Variants in SLC12A8 observed in about 807,000 individuals in gnomAD.
SLC12A8 encodes solute carrier family 12 member 8, also known as cation-chloride cotransporter 9.
SLC12A8 carries 69 observed loss-of-function variants against 75.6 expected under a neutral mutation model. The observed-to-expected ratio is 0.91, with a 90% confidence interval of 0.75 to 1.11. SLC12A8 has a LOEUF of 1.11. Ranked by LOEUF, SLC12A8 falls within the 50% of genes most tolerant of loss-of-function variation. The pLI is 0.00. For synonymous variants in SLC12A8, 365 were observed against 372.8 expected (o/e 0.98, Z 0.24); for missense variants, 877 against 896.7 (o/e 0.98, Z 0.28).
intron 6 of SLC12A8, among the ~76,000 whole-genome samples, chr3:125,121,759 T>A (rs551680989): frequency 1.8e-4 from 27 of 152,334 alleles, no homozygotes; most frequent in Admixed American, 7.8e-4. Flanking sequence ...ATTATGCTCT[T>A]AATGCCTCTG....
At chr3:125,160,387 G>C (rs1458248644) in intron 5 of SLC12A8, among the ~76,000 whole-genome samples, 3 of 152,236 alleles carry the variant, frequency 2.0e-5, no homozygotes, top group Non-Finnish European at 4.4e-5. Flanking sequence ...CAAAAAATCA[G>C]TGCCCGGCAT....
chr3:125,163,310 A>G (rs1053996162), intron 5 of SLC12A8, among the ~76,000 whole-genome samples: 2 of 150,474 alleles, frequency 1.3e-5, no homozygotes, highest in Non-Finnish European at 3.0e-5. Flanking sequence ...AAAAACAAAA[A>G]TAATAAAAAA....
At position 125,107,629 on chromosome 3, in the gene SLC12A8, G is replaced by C; in HGVS notation, c.1557C>G (p.Ile519Met). The change falls in exon 10 of 14, where the codon ATC (isoleucine) becomes ATG (methionine). Residue 519 changes from isoleucine (I) to methionine (M), a missense_variant. Physicochemically the swap from Ile to Met is conservative, Grantham distance 10. Coordinates refer to ENST00000469902, the MANE Select transcript of SLC12A8 (RefSeq NM_024628.6). Reference sequence around the variant, plus strand: ...AGGAGGCAGCGGGCAACCTGTCAGAGATCTCGACAGGGAAAGAAGGAGGGG... The same window carrying C: ...AGGAGGCAGCGGGCAACCTGTCAGACATCTCGACAGGGAAAGAAGGAGGGG... ...LKSPPSFPVE[I>M]SDRLPAASWE... 1 of 1,614,210 alleles carries C rather than the reference G, an allele frequency of 6.2e-7. No individual in the cohort carries two copies. Among genetic ancestry groups the C allele is most frequent in the South Asian group, 1.1e-5 (1 of 91,080 alleles).
intron 10 of SLC12A8, among the ~76,000 whole-genome samples, chr3:125,098,640 C>T (rs1358227924): frequency 2.0e-5 from 3 of 151,382 alleles, no homozygotes; most frequent in African/African-American, 7.3e-5. Flanking sequence ...CTTCAGAGCT[C>T]CAGAAATTTA....
chr3:125,098,251 G>A lies in SLC12A8; in HGVS notation c.1706-6053C>T, dbSNP rs182479363. 6.6e-5 allele frequency among the ~76,000 whole-genome samples: 10 copies of A among 152,218 alleles called. No individual in the cohort carries two copies. In the East Asian group the frequency reaches 1.5e-3, roughly 23 times the overall value. On this transcript the variant is annotated intron_variant, in intron 10 of 13. Coordinates refer to ENST00000469902, the MANE Select transcript of SLC12A8 (RefSeq NM_024628.6). ...ACACAGAATCATGTTTAAAGTCCACGTGGTATTTTATCATGTTGATGTTAT... is the reference window on the plus strand; with the variant it reads ...ACACAGAATCATGTTTAAAGTCCACATGGTATTTTATCATGTTGATGTTAT...
intron 2 of SLC12A8, among the ~76,000 whole-genome samples, chr3:125,208,095 T>G (rs1468233588): frequency 6.6e-6 from 1 of 152,196 alleles, no homozygotes; most frequent in Non-Finnish European, 1.5e-5. Context: ...AACCCAGGTT[T>G]GAGTCTACCA....
intron 2 of SLC12A8, among the ~76,000 whole-genome samples, chr3:125,194,404 T>A (rs1025289277): frequency 1.4e-5 from 2 of 145,464 alleles, no homozygotes; most frequent in African/African-American, 2.5e-5. Flanking sequence ...CGTTCTCCTG[T>A]GAATAATCTC....
chr3:125,206,419 C>G (rs1338006372), intron 2 of SLC12A8, among the ~76,000 whole-genome samples: 1 of 152,150 alleles, frequency 6.6e-6, no homozygotes, highest in Middle Eastern at 3.2e-3. Context: ...CTTCTTGACA[C>G]GACAAGCAAA....
chr3:125,141,274 T>C lies in SLC12A8; in HGVS notation c.623-5492A>G, dbSNP rs1380847421. ...TCTGTCTGCAGAAAGGCTTGATCTT[T>C]CCACCCGGAATTCGGGTAATTCAGG... On this transcript the variant is annotated intron_variant, in intron 5 of 13. Transcript: ENST00000469902. Among the ~76,000 whole-genome samples, 8 of 152,206 alleles carry C rather than the reference T, an allele frequency of 5.3e-5. No individual in the cohort carries two copies. In the East Asian group the frequency reaches 1.5e-3, roughly 29 times the overall value.
chr3:125,153,628 G>GTATT (rs145148541), intron 5 of SLC12A8, among the ~76,000 whole-genome samples: 88,027 of 148,932 alleles, frequency 0.59, 26,268 homozygotes, highest in South Asian at 0.68. Context: ...TGAAATTTAT[G>GTATT]TATTTATTTA....
chr3:125,120,822 G>C (rs1242263191), intron 6 of SLC12A8, 136 bp from the exon 7 acceptor site: 1 of 726,650 alleles, frequency 1.4e-6, no homozygotes, highest in South Asian at 1.5e-5. Context: ...GCAGCTCTGC[G>C]CATAGGCTGC....
intron 6 of SLC12A8, among the ~76,000 whole-genome samples, chr3:125,129,911 C>T (rs2228677): frequency 0.39 from 59,767 of 152,012 alleles, 12,404 homozygotes; most frequent in Non-Finnish European, 0.46. Flanking sequence ...AGCAGGGTGA[C>T]GGCCCAACTC....
chr3:125,189,303 T>C lies in SLC12A8; in HGVS notation c.198+1072A>G, dbSNP rs533630851. Among the ~76,000 whole-genome samples, 8 of 152,308 alleles carry C rather than the reference T, an allele frequency of 5.3e-5. No homozygotes were observed. The East Asian group carries it at 1.5e-3, about 29-fold the overall frequency. ...CAATCCTTACCTGCTAATATATACA[T>C]GACATACTTACATCTCCTGTTGGCA... is the stretch of plus-strand genomic sequence containing the variant. On this transcript the variant is annotated intron_variant, in intron 3 of 13. Coordinates refer to ENST00000469902, the MANE Select transcript of SLC12A8 (RefSeq NM_024628.6).
At chr3:125,169,254 G>C (rs1934355652) in intron 5 of SLC12A8, among the ~76,000 whole-genome samples, 1 of 152,136 alleles carries the variant, frequency 6.6e-6, no homozygotes, top group African/African-American at 2.4e-5. Context: ...TTCCTGAGAG[G>C]GTCTTGTTTA....
intron 4 of SLC12A8, among the ~76,000 whole-genome samples, chr3:125,184,077 A>G (rs1389943940): frequency 6.6e-6 from 1 of 151,902 alleles, no homozygotes. Flanking sequence ...GGTTCAAGCA[A>G]TTCTCCTGCC....
intron 5 of SLC12A8, among the ~76,000 whole-genome samples, chr3:125,164,244 C>T (rs1375626008): frequency 6.6e-6 from 1 of 152,204 alleles, no homozygotes; most frequent in Non-Finnish European, 1.5e-5. Flanking sequence ...GGGAATCACG[C>T]TTTGGAGTCA....
At position 125,187,357 on chromosome 3, in the gene SLC12A8, C is replaced by T; in HGVS notation, c.270G>A (p.Leu90=). Residue 90 remains leucine, a synonymous_variant, in exon 4 of 14, where the codon CTG becomes CTA. Coordinates refer to ENST00000469902, the MANE Select transcript of SLC12A8 (RefSeq NM_024628.6). ...FVILVALVTV[L]SGIGVGERSS... ...TGCGCTCCCCGACGCCAATGCCAGA[C>T]AGCACCGTGACGAGGGCCACCAGGA... 20 of 1,614,220 alleles carry T rather than the reference C, an allele frequency of 1.2e-5. No homozygotes were observed. The highest frequency in any genetic ancestry group is 1.7e-5 in the Non-Finnish European group (20 of 1,180,052).
intron 4 of SLC12A8, among the ~76,000 whole-genome samples, chr3:125,179,543 A>C (rs1469858046): frequency 6.6e-6 from 1 of 152,210 alleles, no homozygotes; most frequent in African/African-American, 2.4e-5. Context: ...CTTCAATGAG[A>C]TCAGCTCACT....
intron 2 of SLC12A8, chr3:125,206,984 A>G (rs1392175615): frequency 6.6e-6 from 1 of 152,338 alleles, no homozygotes; most frequent in East Asian, 1.9e-4. Flanking sequence ...AACACTGGGA[A>G]TTACAATTAA....
Sources: allele counts gnomAD v4.1 joint callset (sites outside exome capture counted in the v4.1 genomes callset), GRCh38; gene constraint gnomAD v4.1.1; transcripts MANE v1.5; gene names NCBI Gene and HGNC (gene_info 2026-07-23, HGNC 2026-07-21).